CNTN6: variants seen among roughly 807,000 people sequenced by gnomAD.
The protein encoded by CNTN6 is contactin 6.
In CNTN6, 137 loss-of-function variants were observed where a neutral mutation model predicts 122.8. That is an observed-to-expected ratio of 1.12 (90% CI 0.97 to 1.29). The LOEUF (loss-of-function observed/expected upper bound fraction) is 1.29. Ranked by LOEUF, CNTN6 falls within the 50% of genes most tolerant of loss-of-function variation. The pLI is 0.00. For missense variants in CNTN6, 1,634 were observed against 1,223.4 expected (o/e 1.34, Z -5.01); for synonymous variants, 570 against 426.0 (o/e 1.34, Z -4.16).
At chr3:1,388,255 C>G (rs1034431232) in intron 20 of CNTN6, among the ~76,000 whole-genome samples, 3 of 149,304 alleles carry the variant, frequency 2.0e-5, no homozygotes, top group African/African-American at 7.4e-5. Flanking sequence ...TCCCTGACCC[C>G]TGACCCCCGA....
chr3:1,186,504 C>T (rs2093629835), intron 2 of CNTN6, among the ~76,000 whole-genome samples: 1 of 152,088 alleles, frequency 6.6e-6, no homozygotes, highest in Non-Finnish European at 1.5e-5. Context: ...CTGGCAAAGT[C>T]AAATCCAAAT....
chr3:1,373,088 A>T lies in CNTN6; in HGVS notation c.1786+133A>T, dbSNP rs1444687558. 3 of 590,290 alleles carry T rather than the reference A, an allele frequency of 5.1e-6. No homozygotes were observed. The African/African-American group carries it at 5.7e-5, about 11-fold the overall frequency. 36.6% of individuals were successfully genotyped at this position (590,290 alleles called of 1,614,324 possible). Reference sequence around the variant, plus strand: ...GTAATCAGATAGAGTTTTATTTTTTAAACCCCAGGACTCCATGGTATGGGT... The same window carrying T: ...GTAATCAGATAGAGTTTTATTTTTTTAACCCCAGGACTCCATGGTATGGGT... On this transcript the variant is annotated intron_variant, in intron 14 of 22. Transcript: ENST00000446702.
Position 1,373,907 on chromosome 3 carries a change from T to C in CNTN6, c.1946-17T>C. Reference sequence around the variant, plus strand: ...AGTAGTCCCAACCTAGGTGCCTTAGTGTCTCATTCTTTTTAGTTCCAGAAA... The same window carrying C: ...AGTAGTCCCAACCTAGGTGCCTTAGCGTCTCATTCTTTTTAGTTCCAGAAA... On this transcript the variant is annotated splice_polypyrimidine_tract_variant and intron_variant, in intron 15 of 22. Coordinates refer to ENST00000446702, the MANE Select transcript of CNTN6 (RefSeq NM_001289080.2). 6.2e-7 allele frequency: 1 copy of C among 1,601,268 alleles called. No individual in the cohort carries two copies. The highest frequency in any genetic ancestry group is 8.5e-7 in the Non-Finnish European group (1 of 1,172,682).
In CNTN6 at chr3:1,388,392, C is replaced by G. The variant is rs7649282; in HGVS notation, c.2704+2595C>G. On this transcript the variant is annotated intron_variant, in intron 20 of 22. Transcript: ENST00000446702. ...AAAACTAACAAACAGAAAGGACATCCACACCAAAAACCCATCTGTACATCA... is the reference window on the plus strand; with the variant it reads ...AAAACTAACAAACAGAAAGGACATCGACACCAAAAACCCATCTGTACATCA... Among the ~76,000 whole-genome samples, 30 of 147,140 alleles carry G rather than the reference C, an allele frequency of 2.0e-4. 1 individual carries two copies. Among genetic ancestry groups the G allele is most frequent in the Non-Finnish European group, 2.9e-4 (19 of 65,312 alleles).
intron 1 of CNTN6, among the ~76,000 whole-genome samples, chr3:1,099,965 A>G (rs1448522216): frequency 1.3e-5 from 2 of 152,220 alleles, no homozygotes; most frequent in East Asian, 3.8e-4. Flanking sequence ...GATAGTGTAT[A>G]TATCTTCTTC....
intron 2 of CNTN6, among the ~76,000 whole-genome samples, chr3:1,214,294 TGG>T (rs1559526691): frequency 4.2e-5 from 6 of 143,610 alleles, no homozygotes; most frequent in African/African-American, 1.5e-4. Flanking sequence ...ATGTGTTTGT[TGG>T]ATGTCTTTTT....
At chr3:1,143,002 A>G (rs2092648364) in intron 1 of CNTN6, among the ~76,000 whole-genome samples, 1 of 130,856 alleles carries the variant, frequency 7.6e-6, no homozygotes, top group African/African-American at 2.8e-5. Flanking sequence ...ATATATATAT[A>G]TGTATATGCC....
intron 5 of CNTN6, 137 bp downstream of exon 5, chr3:1,278,645 T>C (rs1692846213): frequency 3.8e-6 from 2 of 528,842 alleles, no homozygotes; most frequent in African/African-American, 1.9e-5. Flanking sequence ...ATCTACTGCA[T>C]ACAAATAGTT....
At chr3:1,388,600 C>T (rs1392291421) in intron 20 of CNTN6, among the ~76,000 whole-genome samples, 22 of 148,886 alleles carry the variant, frequency 1.5e-4, no homozygotes, top group African/African-American at 3.0e-4. Context: ...AGGCTTCAGA[C>T]GATCAAATTA....
chr3:1,236,658 T>C (rs1362751987), intron 4 of CNTN6, among the ~76,000 whole-genome samples: 1 of 152,058 alleles, frequency 6.6e-6, no homozygotes, highest in Non-Finnish European at 1.5e-5. Flanking sequence ...ATAATGATAA[T>C]ATGACAAAAT....
intron 12 of CNTN6, among the ~76,000 whole-genome samples, chr3:1,371,793 T>G (rs1423228596): frequency 6.6e-6 from 1 of 152,108 alleles, no homozygotes; most frequent in Non-Finnish European, 1.5e-5. Flanking sequence ...AAAAAGAAAA[T>G]TAGAGCTACG....
intron 3 of CNTN6, among the ~76,000 whole-genome samples, chr3:1,222,034 T>C (rs930379559): frequency 6.6e-6 from 1 of 152,210 alleles, no homozygotes; most frequent in African/African-American, 2.4e-5. Context: ...GCTAAATGAC[T>C]TCAAAGCTAA....
In CNTN6 at chr3:1,403,766, T is replaced by C. The variant is rs1341936922; in HGVS notation, c.*348T>C. The C allele has an allele frequency of 6.3e-6, 1 of 159,426 alleles. No homozygotes were observed. The highest frequency in any genetic ancestry group is 2.4e-5 in the African/African-American group (1 of 41,740). 9.9% of individuals were successfully genotyped at this position (159,426 alleles called of 1,614,324 possible). A position where few individuals can be genotyped will look rare whatever the true frequency, so the allele number is the denominator to read the frequency against. ...TGGCTCCTAGTTACCATAACTCACATGTACATTTTTATGTATTCCAGACAA... is the reference window on the plus strand; with the variant it reads ...TGGCTCCTAGTTACCATAACTCACACGTACATTTTTATGTATTCCAGACAA... On this transcript the variant is annotated 3_prime_UTR_variant, in exon 23 of 23. Coordinates refer to ENST00000446702, the MANE Select transcript of CNTN6 (RefSeq NM_001289080.2).
At chr3:1,372,496 G>A (rs377714856) in intron 13 of CNTN6, 22 bp downstream of exon 13, 15 of 1,571,232 alleles carry the variant, frequency 9.5e-6, no homozygotes, top group African/African-American at 5.5e-5. Context: ...AAATTGTTAA[G>A]TGCTTAATAA....
intron 2 of CNTN6, among the ~76,000 whole-genome samples, chr3:1,196,134 G>T (rs2093774424): frequency 6.6e-6 from 1 of 152,190 alleles, no homozygotes; most frequent in Admixed American, 6.5e-5. Context: ...GAATCAGAAA[G>T]AATTTGTTTT....
chr3:1,172,560 C>G (rs1435767807), intron 2 of CNTN6, among the ~76,000 whole-genome samples: 1 of 152,020 alleles, frequency 6.6e-6, no homozygotes, highest in Non-Finnish European at 1.5e-5. Context: ...CTTTAGTGTA[C>G]CATTTCCCAA....
chr3:1,298,052 C>G, intron 7 of CNTN6, 61 bp downstream of exon 7: 2 of 1,233,874 alleles, frequency 1.6e-6, no homozygotes, highest in East Asian at 2.4e-5. Context: ...TATTAAAAAC[C>G]TTTTTGTTAT....
At chr3:1,336,272 G>A (rs1286738313) in intron 11 of CNTN6, among the ~76,000 whole-genome samples, 1 of 151,276 alleles carries the variant, frequency 6.6e-6, no homozygotes, top group Non-Finnish European at 1.5e-5. Context: ...TGGTGTACCA[G>A]GCACTTTACA....
chr3:1,335,017 A>G (rs767942375), intron 11 of CNTN6, among the ~76,000 whole-genome samples: 2 of 152,138 alleles, frequency 1.3e-5, no homozygotes, highest in Non-Finnish European at 2.9e-5. Flanking sequence ...CACATAACAT[A>G]TAACATTCTT....
Sources: allele counts gnomAD v4.1 joint callset (sites outside exome capture counted in the v4.1 genomes callset), GRCh38; gene constraint gnomAD v4.1.1; transcripts MANE v1.5; gene names NCBI Gene and HGNC (gene_info 2026-07-23, HGNC 2026-07-21).